Variants in EPHA6 observed in about 807,000 individuals in gnomAD.
EPHA6 encodes EPH receptor A6, also known as ephrin type-A receptor 6.
In EPHA6, 50 loss-of-function variants were observed where a neutral mutation model predicts 112.0. The observed-to-expected ratio is 0.45, with a 90% CI of 0.36 to 0.56. EPHA6 has a LOEUF of 0.56. Among genes scored for constraint, EPHA6 ranks in the 20% least tolerant of loss-of-function variants. The probability of loss-of-function intolerance (pLI) is 0.00; values close to 1 mark genes in which losing one functional copy is unlikely to be tolerated. For synonymous variants in EPHA6, 529 were observed against 490.7 expected (o/e 1.08, Z -1.03); for missense variants, 1,280 against 1,417.4 (o/e 0.90, Z 1.56).
intron 1 of EPHA6, among the ~76,000 whole-genome samples, chr3:96,831,108 A>G (rs1445558130): frequency 1.3e-5 from 2 of 152,178 alleles, no homozygotes; most frequent in African/African-American, 2.4e-5. Flanking sequence ...TTTTAAAATC[A>G]GAAGCTAATA....
Position 97,752,413 on chromosome 3 carries a change from G to C in EPHA6, c.*3712G>C, listed in dbSNP as rs1378536191. 1 of 224,096 alleles carries C rather than the reference G, an allele frequency of 4.5e-6. No homozygotes were observed. Among genetic ancestry groups the C allele is most frequent in the Non-Finnish European group, 8.9e-6 (1 of 112,274 alleles). 13.9% of individuals were successfully genotyped at this position (224,096 alleles called of 1,614,324 possible). On this transcript the variant is annotated 3_prime_UTR_variant, in exon 18 of 18. Coordinates refer to ENST00000389672, the MANE Select transcript of EPHA6 (RefSeq NM_001080448.3). ...AATCTCTCATTTCATAATTTTCACT[G>C]TGCTAGTTCTTTCTTTTCTCCTCTT...
At chr3:97,740,000 T>G (rs896306746) in intron 16 of EPHA6, among the ~76,000 whole-genome samples, 19 of 152,060 alleles carry the variant, frequency 1.2e-4, no homozygotes. Context: ...GAACAGCATC[T>G]GGAGCAGTGC....
At chr3:96,948,232 C>T (rs923889640) in intron 2 of EPHA6, among the ~76,000 whole-genome samples, 4 of 152,074 alleles carry the variant, frequency 2.6e-5, no homozygotes, top group Non-Finnish European at 5.9e-5. Context: ...TCTTATAGAT[C>T]AGTTGTTTTC....
At position 97,129,073 on chromosome 3, in the gene EPHA6, T is replaced by C. The variant is rs190021975; in HGVS notation, c.1115-97191T>C. 7.7e-4 allele frequency among the ~76,000 whole-genome samples: 117 copies of C among 151,988 alleles called. 2 individuals carry two copies. In the East Asian group the frequency reaches 0.021, roughly 27 times the overall value. ...ATTTTTTTGTAGAGATGGGATTTCA[T>C]CATGTCGTCCAGGCTGGTTTAGAAC... On this transcript the variant is annotated intron_variant, in intron 3 of 17. Coordinates refer to ENST00000389672, the MANE Select transcript of EPHA6 (RefSeq NM_001080448.3).
At chr3:97,183,956 A>G (rs2077056559) in intron 3 of EPHA6, among the ~76,000 whole-genome samples, 2 of 152,136 alleles carry the variant, frequency 1.3e-5, no homozygotes, top group African/African-American at 4.8e-5. Flanking sequence ...CTTCCAAAAT[A>G]ATAATGGCTT....
chr3:97,360,250 A>G (rs2084306384), intron 5 of EPHA6, among the ~76,000 whole-genome samples: 1 of 152,186 alleles, frequency 6.6e-6, no homozygotes, highest in Non-Finnish European at 1.5e-5. Flanking sequence ...ACTTCAATTT[A>G]TCATCTAAAC....
rs35126699 is a variant in EPHA6 at position 97,614,501 on chromosome 3, A to ATTTT, written c.2574+3669_2574+3672dup. Among the ~76,000 whole-genome samples the ATTTT allele has an allele frequency of 1.7e-3, 163 of 98,180 alleles. 2 individuals carry two copies. The highest frequency in any genetic ancestry group is 7.3e-3 in the African/African-American group (143 of 19,540). 64.4% of individuals were successfully genotyped at this position (98,180 alleles called of 152,430 possible). A position where few individuals can be genotyped will look rare whatever the true frequency, so the allele number is the denominator to read the frequency against. ...AGGTGTGCACCACCACACCCAGCTAATTTTTTTTTTTTTTTTTTTTTTTTT... is the reference window on the plus strand; with the variant it reads ...AGGTGTGCACCACCACACCCAGCTAATTTTTTTTTTTTTTTTTTTTTTTTTTTTT... On this transcript the variant is annotated intron_variant, in intron 13 of 17. Transcript: ENST00000389672.
intron 5 of EPHA6, among the ~76,000 whole-genome samples, chr3:97,327,626 C>G (rs1488431198): frequency 2.0e-5 from 3 of 151,800 alleles, no homozygotes; most frequent in Non-Finnish European, 2.9e-5. Flanking sequence ...CTCTCTTCAT[C>G]CCCTCTCTTC....
chr3:96,941,602 A>G (rs570485083), intron 2 of EPHA6, among the ~76,000 whole-genome samples: 1 of 152,308 alleles, frequency 6.6e-6, no homozygotes, highest in East Asian at 1.9e-4. Context: ...TCAACTCGTC[A>G]AAGTCATTCT....
chr3:97,388,366 A>G, intron 5 of EPHA6, among the ~76,000 whole-genome samples: 1 of 152,138 alleles, frequency 6.6e-6, no homozygotes, highest in East Asian at 1.9e-4. Flanking sequence ...AATGGACAAA[A>G]GACAGGTCAG....
intron 3 of EPHA6, among the ~76,000 whole-genome samples, chr3:97,191,885 T>C (rs1466349970): frequency 2.0e-5 from 3 of 152,112 alleles, no homozygotes; most frequent in Non-Finnish European, 4.4e-5. Context: ...GTTCCATTTT[T>C]TAGTTTTTTG....
chr3:97,142,668 A>ACTT (rs1219210716), intron 3 of EPHA6, among the ~76,000 whole-genome samples: 1 of 151,866 alleles, frequency 6.6e-6, no homozygotes, highest in Non-Finnish European at 1.5e-5. Flanking sequence ...TTGAGTCAGT[A>ACTT]ATAAAACATC....
intron 13 of EPHA6, among the ~76,000 whole-genome samples, chr3:97,619,171 A>G (rs1384509176): frequency 6.6e-6 from 1 of 152,168 alleles, no homozygotes; most frequent in East Asian, 1.9e-4. Flanking sequence ...AAACCACATG[A>G]TTGTCTCAAT....
intron 1 of EPHA6, among the ~76,000 whole-genome samples, chr3:96,845,353 A>T (rs2035006962): frequency 6.6e-6 from 1 of 151,990 alleles, no homozygotes; most frequent in South Asian, 2.1e-4. Flanking sequence ...GCTGTGCCCA[A>T]TTAACTTTTA....
At chr3:97,474,841 T>C (rs2091324126) in intron 7 of EPHA6, among the ~76,000 whole-genome samples, 1 of 152,054 alleles carries the variant, frequency 6.6e-6, no homozygotes, top group Non-Finnish European at 1.5e-5. Context: ...TATATCCTCG[T>C]GCTGTGGAGG....
chr3:96,887,920 G>A (rs2037726403), intron 2 of EPHA6, among the ~76,000 whole-genome samples: 1 of 151,954 alleles, frequency 6.6e-6, no homozygotes, highest in African/African-American at 2.4e-5. Flanking sequence ...CAAACCAAAG[G>A]GCCCCTGTCT....
At chr3:97,004,851 A>G (rs1456575537) in intron 3 of EPHA6, among the ~76,000 whole-genome samples, 1 of 151,472 alleles carries the variant, frequency 6.6e-6, no homozygotes, top group Non-Finnish European at 1.5e-5. Flanking sequence ...TTTTTCCAGC[A>G]CCATTTAATG....
intron 10 of EPHA6, among the ~76,000 whole-genome samples, chr3:97,516,609 G>T (rs2092451953): frequency 6.6e-6 from 1 of 152,112 alleles, no homozygotes; most frequent in Non-Finnish European, 1.5e-5. Context: ...AAGACTTCAA[G>T]AGACGAATAC....
rs372785419 is a variant in EPHA6 at position 97,610,840 on chromosome 3, G to C, written c.2560G>C (p.Asp854His). Residue 854 changes from aspartate to histidine, a missense_variant, in exon 13 of 18, where the codon GAC becomes CAC. Physicochemically the swap from Asp to His is moderately conservative, Grantham distance 81. Around this residue, in one of 4 missense-constraint regions of EPHA6, gnomAD observed 878 missense variants for 999.7 expected, o/e 0.88. Transcript: ENST00000389672. ...GGAATATATGGAGAATGGATCCCTAGACTCCTTTTTGCGGGTGAGGTGTTC... is the reference window on the plus strand; with the variant it reads ...GGAATATATGGAGAATGGATCCCTACACTCCTTTTTGCGGGTGAGGTGTTC... ...VVEYMENGSL[D>H]SFLRKHDGHF... 2.7e-5 allele frequency: 44 copies of C among 1,611,276 alleles called. No homozygotes were observed. Among genetic ancestry groups the C allele is most frequent in the Admixed American group, 3.3e-5 (2 of 59,756 alleles).
Sources: allele counts gnomAD v4.1 joint callset (sites outside exome capture counted in the v4.1 genomes callset), GRCh38; gene constraint gnomAD v4.1.1; regional missense constraint gnomAD v4.1.1; transcripts MANE v1.5; gene names NCBI Gene and HGNC (gene_info 2026-07-23, HGNC 2026-07-21).